Variants in GTF3C1 observed in about 807,000 individuals in gnomAD.
GTF3C1 encodes the protein general transcription factor 3C polypeptide 1.
Under a neutral mutation model 226.7 loss-of-function variants are expected in GTF3C1, and 57 were observed. The observed-to-expected ratio is 0.25, with a 90% CI of 0.20 to 0.31. The LOEUF is 0.31. GTF3C1 is among the 10% of genes least tolerant of loss of function. The pLI is 1.00. For synonymous variants in GTF3C1, 1,090 were observed against 1,084.8 expected (o/e 1.00, Z -0.09); for missense variants, 2,217 against 2,776.1 (o/e 0.80, Z 4.53).
intron 14 of GTF3C1, among the ~76,000 whole-genome samples, chr16:27,496,186 A>G (rs1354069155): frequency 6.6e-6 from 1 of 152,122 alleles, no homozygotes; most frequent in Non-Finnish European, 1.5e-5. Flanking sequence ...CATGGCTGGA[A>G]GCTTCCTGAG....
At position 27,470,193 on chromosome 16, in the gene GTF3C1, G is replaced by A. The variant is rs556188094; in HGVS notation, c.4729C>T (p.Leu1577=). 1.5e-5 allele frequency: 25 copies of A among 1,613,570 alleles called. 1 individual carries two copies. The Middle Eastern group carries it at 3.5e-3, about 224-fold the overall frequency. The change falls in exon 31 of 37, where the codon CTG becomes TTG. Residue 1577 remains leucine (L), a synonymous_variant. Transcript: ENST00000356183. The surrounding 1 kb of genome is among the most constrained non-coding windows in gnomAD (Gnocchi z 4.9). ...NCVAVLTLFS[L]GLISVDVRIP... ...CTGACATCCACAGAAATGAGGCCCAGAGAGAAGAGGGTCAGGACGGCCACA... is the reference window on the plus strand; with the variant it reads ...CTGACATCCACAGAAATGAGGCCCAAAGAGAAGAGGGTCAGGACGGCCACA...
In GTF3C1 at chr16:27,469,215, TCCCAGGCCAGGC is replaced by T. The variant is rs952900935; in HGVS notation, c.5074+64_5074+75del. 1.4e-6 allele frequency: 2 copies of T among 1,432,162 alleles called. No individual in the cohort carries two copies. Among genetic ancestry groups the T allele is most frequent in the African/African-American group, 2.8e-5 (2 of 70,626 alleles). The allele number at this position is 1,432,162 out of a possible 1,614,324, so 88.7% of individuals were successfully genotyped here. On this transcript the variant is annotated intron_variant, in intron 32 of 36. Coordinates refer to ENST00000356183, the MANE Select transcript of GTF3C1 (RefSeq NM_001520.4). This position sits in a 1 kb window ranked among gnomAD's most constrained non-coding sequence, Gnocchi z 4.5. ...GGCCTGGGGAGCCTGAAGGTCTAGG[TCCCAGGCCAGGC>T]CTCAGGGTCTTCCTGGATGATGGCG...
Position 27,527,195 on chromosome 16 carries a change from G to A in GTF3C1, c.973+1403C>T, listed in dbSNP as rs115851112. On this transcript the variant is annotated intron_variant, in intron 6 of 36. Coordinates refer to ENST00000356183, the MANE Select transcript of GTF3C1 (RefSeq NM_001520.4). ...TGCACTCCAGCCTGGGAAATAGAGC[G>A]AGACCCTGTCTAGGAAAAAAATATA... 9.8e-3 allele frequency among the ~76,000 whole-genome samples: 1,488 copies of A among 152,266 alleles called. 40 individuals carry two copies. The highest frequency in any genetic ancestry group is 0.034 in the African/African-American group (1,395 of 41,560).
At chr16:27,502,169 G>C (rs529644500) in intron 11 of GTF3C1, among the ~76,000 whole-genome samples, 1 of 151,990 alleles carries the variant, frequency 6.6e-6, no homozygotes, top group South Asian at 2.1e-4. Flanking sequence ...ACCTCTCATG[G>C]CTCAGAGGCG....
Position 27,511,794 on chromosome 16 carries a change from C to T in GTF3C1, c.1081G>A (p.Asp361Asn), listed in dbSNP as rs749575048. Reference sequence around the variant, plus strand: ...AGCATATCCCGCTCGAACACAATGTCCACTGGAGGCACTGTCTTGGAGATG... The same window carrying T: ...AGCATATCCCGCTCGAACACAATGTTCACTGGAGGCACTGTCTTGGAGATG... ...EVISKTVPPV[D>N]IVFERDMLTQ... The change falls in exon 7 of 37, where the codon GAC becomes AAC. Residue 361 changes from aspartate (D) to asparagine (N), a missense_variant. Asp to Asn is a conservative substitution (Grantham distance 23). This residue lies in a region of GTF3C1 where 163 missense variants were observed against 234.3 expected (regional missense o/e 0.70). Coordinates refer to ENST00000356183, the MANE Select transcript of GTF3C1 (RefSeq NM_001520.4). The T allele has an allele frequency of 2.0e-5, 33 of 1,614,040 alleles. No individual in the cohort carries two copies. The highest frequency in any genetic ancestry group is 2.6e-5 in the Non-Finnish European group (31 of 1,180,034).
chr16:27,484,110 C>T (rs1596623846), intron 25 of GTF3C1, 101 bp downstream of exon 25: 2 of 882,826 alleles, frequency 2.3e-6, no homozygotes, highest in African/African-American at 3.3e-5. Context: ...GCCAGCCCAT[C>T]AGACACCTCA....
chr16:27,519,243 G>C (rs767829571), intron 6 of GTF3C1, among the ~76,000 whole-genome samples: 1 of 152,240 alleles, frequency 6.6e-6, no homozygotes, highest in African/African-American at 2.4e-5. Context: ...TACTGGGGAA[G>C]GGGAGGGGAG....
At position 27,511,931 on chromosome 16, in the gene GTF3C1, A is replaced by C. The variant is rs77066366; in HGVS notation, c.974-30T>G. ...CAACACAAGCACGGGTTTGCCAGCA[A>C]TGAGTGAAAGCAGTGCTGCGTGGGG... is the stretch of plus-strand genomic sequence containing the variant. On this transcript the variant is annotated intron_variant, in intron 6 of 36. Coordinates refer to ENST00000356183, the MANE Select transcript of GTF3C1 (RefSeq NM_001520.4). The C allele has an allele frequency of 5.6e-5, 91 of 1,612,494 alleles. No homozygotes were observed. In the East Asian group the frequency reaches 2.0e-3, roughly 36 times the overall value.
At chr16:27,493,345 C>T (rs2088261601) in intron 16 of GTF3C1, 49 bp from the exon 17 acceptor site, 1 of 914,816 alleles carries the variant, frequency 1.1e-6, no homozygotes, top group Non-Finnish European at 1.8e-6. Flanking sequence ...CCAGGGCGAC[C>T]TGCAAGAATC....
chr16:27,461,352 A>C lies in GTF3C1; in HGVS notation c.6328T>G (p.Ter2110GluextTer49), dbSNP rs1464610538. The C allele has an allele frequency of 1.2e-6, 2 of 1,602,278 alleles. No individual in the cohort carries two copies. Among genetic ancestry groups the C allele is most frequent in the Non-Finnish European group, 1.7e-6 (2 of 1,170,698 alleles). The change falls in exon 37 of 37, where the codon TAG (stop) becomes GAG (glutamate). Residue 2110 changes from the stop codon to glutamate, a stop_lost. Coordinates refer to ENST00000356183, the MANE Select transcript of GTF3C1 (RefSeq NM_001520.4). The surrounding 1 kb of genome is among the most constrained non-coding windows in gnomAD (Gnocchi z 5.3). ...GGGAGGGGACGCCCACAGGGGTCCTAGAGGTGGATCCACTTGTTCCAGTTG... is the reference window on the plus strand; with the variant it reads ...GGGAGGGGACGCCCACAGGGGTCCTCGAGGTGGATCCACTTGTTCCAGTTG... ...EVNWNKWIHL[*>E]
intron 6 of GTF3C1, among the ~76,000 whole-genome samples, chr16:27,526,809 C>T (rs903736626): frequency 2.0e-5 from 3 of 152,248 alleles, no homozygotes; most frequent in African/African-American, 4.8e-5. Context: ...CATATAAATG[C>T]ATATATTCCA....
Position 27,471,898 on chromosome 16 carries a change from T to C in GTF3C1, c.4376A>G (p.Tyr1459Cys), listed in dbSNP as rs1323517965. ...GGCCTTCACAAGAACGTGGTCCTTG[T>C]ACTCCCGATAGAGGCGGAAAGTCTG... ...SFQTFRLYREYKDHVLVKAFM... is the reference protein window; with the variant it reads ...SFQTFRLYRECKDHVLVKAFM... The change falls in exon 30 of 37, where the codon TAC becomes TGC. Residue 1459 changes from tyrosine to cysteine, a missense_variant. Tyr to Cys is a radical substitution (Grantham distance 194). Around this residue, in one of 12 missense-constraint regions of GTF3C1, gnomAD observed 546 missense variants for 663.0 expected, o/e 0.82. Coordinates refer to ENST00000356183, the MANE Select transcript of GTF3C1 (RefSeq NM_001520.4). The surrounding 1 kb of genome is among the most constrained non-coding windows in gnomAD (Gnocchi z 5.0). 2 of 1,614,116 alleles carry C rather than the reference T, an allele frequency of 1.2e-6. No individual in the cohort carries two copies. Among genetic ancestry groups the C allele is most frequent in the East Asian group, 4.5e-5 (2 of 44,876 alleles).
chr16:27,483,409 T>A, intron 25 of GTF3C1: 1 of 570,702 alleles, frequency 1.8e-6, no homozygotes, highest in Non-Finnish European at 3.3e-6. Flanking sequence ...TCACAGGGGT[T>A]TGTCCAGGAC....
At position 27,464,326 on chromosome 16, in the gene GTF3C1, G is replaced by A. The variant is rs1331954925; in HGVS notation, c.5866C>T (p.Pro1956Ser). The change falls in exon 34 of 37, where the codon CCC (proline) becomes TCC (serine). Residue 1956 changes from proline to serine, a missense_variant. Physicochemically the swap from Pro to Ser is moderately conservative, Grantham distance 74. Transcript: ENST00000356183. The stretch of plus-strand genomic sequence containing the variant: ...GGGACAAGGCGCGCGGTACCTCTGG[G>A]GTCTTCAGAGCCCTCTGGAGGCTGC... ...QAQPPEGSED[P>S]RGFTESFGAA... The A allele has an allele frequency of 1.3e-5, 20 of 1,494,500 alleles. No homozygotes were observed. Among genetic ancestry groups the A allele is most frequent in the Non-Finnish European group, 1.8e-5 (20 of 1,124,330 alleles). The allele number at this position is 1,494,500 out of a possible 1,614,324, so 92.6% of individuals were successfully genotyped here. A position where few individuals can be genotyped will look rare whatever the true frequency, so the allele number is the denominator to read the frequency against.
At chr16:27,485,858 A>T (rs929803904) in intron 24 of GTF3C1, 139 bp downstream of exon 24, 9 of 575,898 alleles carry the variant, frequency 1.6e-5, no homozygotes, top group Non-Finnish European at 2.4e-5. Flanking sequence ...AATGTGTAGG[A>T]TTCTGGGCAA....
intron 10 of GTF3C1, 26 bp downstream of exon 10, chr16:27,505,873 A>C: frequency 2.5e-5 from 30 of 1,213,338 alleles, no homozygotes; most frequent in Non-Finnish European, 3.4e-5. Context: ...TCTTGGAGAC[A>C]GCTCCCTCCC....
At chr16:27,490,351 T>C (rs2088214361) in intron 19 of GTF3C1, among the ~76,000 whole-genome samples, 1 of 152,236 alleles carries the variant, frequency 6.6e-6, no homozygotes, top group Admixed American at 6.5e-5. Context: ...CTAAAAGCAC[T>C]GCTTGATAGG....
chr16:27,495,309 G>A lies in GTF3C1; in HGVS notation c.2534C>T (p.Ser845Phe), dbSNP rs1490739877. The change falls in exon 15 of 37, where the codon TCC (serine) becomes TTC (phenylalanine). Residue 845 changes from serine to phenylalanine, a missense_variant. Coordinates refer to ENST00000356183, the MANE Select transcript of GTF3C1 (RefSeq NM_001520.4). ...ESGRAGVRPS[S>F]SGSAWEACSE... Reference sequence around the variant, plus strand: ...GCAGGCCTCCCAGGCACTTCCAGAGGAGGACGGCCGGACGCCTGCCCTGCC... The same window carrying A: ...GCAGGCCTCCCAGGCACTTCCAGAGAAGGACGGCCGGACGCCTGCCCTGCC... 6.2e-7 allele frequency: 1 copy of A among 1,613,630 alleles called. No individual in the cohort carries two copies. Among genetic ancestry groups the A allele is most frequent in the Non-Finnish European group, 8.5e-7 (1 of 1,179,670 alleles).
intron 4 of GTF3C1, among the ~76,000 whole-genome samples, chr16:27,534,077 G>A (rs921967038): frequency 2.0e-5 from 3 of 152,180 alleles, no homozygotes; most frequent in Non-Finnish European, 2.9e-5. Context: ...CACACTTTAC[G>A]AAGTTCAGGC....
Sources: allele counts gnomAD v4.1 joint callset (sites outside exome capture counted in the v4.1 genomes callset), GRCh38; gene constraint gnomAD v4.1.1; regional missense constraint gnomAD v4.1.1; non-coding constraint Gnocchi (gnomAD v3.1); transcripts MANE v1.5; gene names NCBI Gene and HGNC (gene_info 2026-07-23, HGNC 2026-07-21).